DDX4: variants seen among roughly 807,000 people sequenced by gnomAD.
DDX4 encodes DEAD-box helicase 4.
In DDX4, 25 loss-of-function variants were observed where a neutral mutation model predicts 100.0. The ratio of observed to expected loss-of-function variants is 0.25; its 90% CI spans 0.18 to 0.35. The LOEUF is 0.35. Ranked by LOEUF, DDX4 falls within the 10% of genes least tolerant of loss-of-function variation. DDX4 has a pLI of 1.00. For synonymous variants in DDX4, 259 were observed against 275.7 expected (o/e 0.94, Z 0.60); for missense variants, 635 against 882.4 (o/e 0.72, Z 3.55).
At chr5:55,786,787 A>G in intron 14 of DDX4, 117 bp downstream of exon 14, 1 of 768,412 alleles carries the variant, frequency 1.3e-6, no homozygotes, top group South Asian at 1.8e-5. Context: ...TACCTGTCAT[A>G]AGTATTGATG....
At chr5:55,774,397 C>T (rs571247092) in intron 7 of DDX4, among the ~76,000 whole-genome samples, 1 of 152,300 alleles carries the variant, frequency 6.6e-6, no homozygotes, top group African/African-American at 2.4e-5. Context: ...AGCAGTTCTC[C>T]CTTCTTGGCC....
intron 3 of DDX4, among the ~76,000 whole-genome samples, chr5:55,746,922 A>G (rs553370706): frequency 7.7e-4 from 117 of 152,334 alleles, no homozygotes; most frequent in African/African-American, 2.6e-3. Flanking sequence ...ACAGGATGAA[A>G]TGCAATTGTT....
chr5:55,785,216 T>C, intron 10 of DDX4, 81 bp from the exon 11 acceptor site: 1 of 920,512 alleles, frequency 1.1e-6, no homozygotes, highest in East Asian at 2.4e-5. Flanking sequence ...GAACTTGTTC[T>C]CTTTGAAGAC....
chr5:55,816,110 A>G (rs1580619378), intron 21 of DDX4, among the ~76,000 whole-genome samples: 1 of 152,084 alleles, frequency 6.6e-6, no homozygotes, highest in Admixed American at 6.6e-5. Flanking sequence ...CTTTTCTGGT[A>G]TGTCAGGTTT....
chr5:55,767,075 T>G, intron 6 of DDX4: 1 of 1,372,270 alleles, frequency 7.3e-7, no homozygotes, highest in Non-Finnish European at 9.6e-7. Context: ...TATCCCCAAA[T>G]TATTTCATTA....
chr5:55,783,557 C>T (rs906262605), intron 10 of DDX4, among the ~76,000 whole-genome samples: 1 of 152,034 alleles, frequency 6.6e-6, no homozygotes, highest in East Asian at 1.9e-4. Context: ...GAAAATCTTA[C>T]TTAAAAGGCT....
intron 7 of DDX4, among the ~76,000 whole-genome samples, chr5:55,774,091 A>G (rs192205280): frequency 1.3e-5 from 2 of 151,676 alleles, no homozygotes; most frequent in African/African-American, 4.8e-5. Flanking sequence ...TATATTCTCA[A>G]TGTGAGTATC....
Position 55,786,630 on chromosome 5 carries a change from G to A in DDX4, c.977G>A (p.Arg326Gln), listed in dbSNP as rs1742265770. Reference sequence around the variant, plus strand: ...AGTATTCCTATCATACTTGCAGGACGAGATTTGATGGCTTGCGCTCAAACA... The same window carrying A: ...AGTATTCCTATCATACTTGCAGGACAAGATTTGATGGCTTGCGCTCAAACA... ...KYSIPIILAG[R>Q]DLMACAQTGS... The change falls in exon 14 of 22, where the codon CGA (arginine) becomes CAA (glutamine). Residue 326 changes from arginine to glutamine, a missense_variant. Physicochemically the swap from Arg to Gln is conservative, Grantham distance 43. Transcript: ENST00000505374. 4 of 1,613,346 alleles carry A rather than the reference G, an allele frequency of 2.5e-6. No homozygotes were observed. The highest frequency in any genetic ancestry group is 3.4e-6 in the Non-Finnish European group (4 of 1,179,362).
At chr5:55,787,208 G>A (rs1412924185) in intron 14 of DDX4, among the ~76,000 whole-genome samples, 1 of 152,174 alleles carries the variant, frequency 6.6e-6, no homozygotes, top group Non-Finnish European at 1.5e-5. Flanking sequence ...TAGAGTCCAT[G>A]AGGTCATACC....
chr5:55,798,124 CTTTT>C (rs541375158), intron 17 of DDX4, among the ~76,000 whole-genome samples: 1 of 151,758 alleles, frequency 6.6e-6, no homozygotes, highest in Non-Finnish European at 1.5e-5. Flanking sequence ...TTAGTTCATG[CTTTT>C]TTTTAAGTGT....
At chr5:55,746,085 A>G (rs1759235843) in intron 2 of DDX4, 79 bp from the exon 3 acceptor site, 1 of 1,117,168 alleles carries the variant, frequency 9.0e-7, no homozygotes, top group Non-Finnish European at 1.3e-6. Context: ...AATTGTTATA[A>G]TTTTCTAGTA....
intron 19 of DDX4, among the ~76,000 whole-genome samples, chr5:55,814,315 T>A (rs1174057759): frequency 6.6e-6 from 1 of 152,240 alleles, no homozygotes; most frequent in African/African-American, 2.4e-5. Context: ...TAATAGGATT[T>A]GATTTTTGTC....
intron 16 of DDX4, among the ~76,000 whole-genome samples, chr5:55,791,059 G>T (rs1002428578): frequency 6.6e-6 from 1 of 152,018 alleles, no homozygotes; most frequent in African/African-American, 2.4e-5. Flanking sequence ...TTTTTATCTG[G>T]TTTCATACAT....
intron 3 of DDX4, among the ~76,000 whole-genome samples, chr5:55,749,052 AC>A (rs1483605143): frequency 6.6e-6 from 1 of 152,206 alleles, no homozygotes; most frequent in African/African-American, 2.4e-5. Flanking sequence ...AGTCATGGAA[AC>A]CCTTCTAAAC....
At position 55,746,076 on chromosome 5, in the gene DDX4, A is replaced by G. The variant is rs369972223; in HGVS notation, c.70-88A>G. ...ATTATTTTGTTCTGAACAAAGCTCA[A>G]TTGTTATAATTTTCTAGTATTTGTG... On this transcript the variant is annotated intron_variant, in intron 2 of 21. Coordinates refer to ENST00000505374, the MANE Select transcript of DDX4 (RefSeq NM_024415.3). 3.7e-5 allele frequency: 38 copies of G among 1,022,296 alleles called. No individual in the cohort carries two copies. The African/African-American group carries it at 5.0e-4, about 13-fold the overall frequency. 63.3% of individuals were successfully genotyped at this position (1,022,296 alleles called of 1,614,324 possible).
In DDX4 at chr5:55,781,149, G is replaced by A. The variant is rs749002331; in HGVS notation, c.577+3G>A. 6.2e-7 allele frequency: 1 copy of A among 1,607,136 alleles called. No individual in the cohort carries two copies. The highest frequency in any genetic ancestry group is 8.5e-7 in the Non-Finnish European group (1 of 1,177,094). ...AAGACCAGTATTAAGTGGCACAGGT[G>A]AGAAATAGAACTTATTACTGAATAT... On this transcript the variant is annotated splice_donor_region_variant and intron_variant, in intron 9 of 21. Transcript: ENST00000505374.
intron 18 of DDX4, among the ~76,000 whole-genome samples, chr5:55,811,370 C>T (rs1037889384): frequency 6.6e-6 from 1 of 151,938 alleles, no homozygotes; most frequent in African/African-American, 2.4e-5. Flanking sequence ...TCTAAGATCC[C>T]CTAATTGGGT....
At chr5:55,784,411 C>T (rs1179371835) in intron 10 of DDX4, among the ~76,000 whole-genome samples, 2 of 152,140 alleles carry the variant, frequency 1.3e-5, no homozygotes, top group Admixed American at 1.3e-4. Context: ...TTACTCTGTC[C>T]ACTGATACAA....
chr5:55,757,347 A>G (rs1006368277), intron 3 of DDX4, among the ~76,000 whole-genome samples: 1 of 152,192 alleles, frequency 6.6e-6, no homozygotes, highest in African/African-American at 2.4e-5. Flanking sequence ...CCTGCTTATG[A>G]GTGAGAATAT....
Sources: allele counts gnomAD v4.1 joint callset (sites outside exome capture counted in the v4.1 genomes callset), GRCh38; gene constraint gnomAD v4.1.1; transcripts MANE v1.5; gene names NCBI Gene and HGNC (gene_info 2026-07-23, HGNC 2026-07-21).